The following DIAPH1 variants were observed in gnomAD, a reference collection of about 807,000 sequenced individuals.
DIAPH1 encodes protein diaphanous homolog 1.
Under a neutral mutation model 140.7 loss-of-function variants are expected in DIAPH1, and 46 were observed. The observed-to-expected ratio is 0.33, with a 90% confidence interval of 0.26 to 0.42. DIAPH1 has a LOEUF of 0.42. Among genes scored for constraint, DIAPH1 ranks in the 10% least tolerant of loss-of-function variants. DIAPH1 has a pLI of 1.00. For synonymous variants in DIAPH1, 565 were observed against 551.6 expected, an observed-to-expected ratio of 1.02 and a Z score of -0.34; for missense variants, 1,310 against 1,558.7, an observed-to-expected ratio of 0.84 and a Z score of 2.69.
chr5:141,516,765 A>C lies in DIAPH1; in HGVS notation c.*86T>G. The stretch of plus-strand genomic sequence containing the variant: ...TGGTGGGAGTGGCCACCCCAGAGGA[A>C]TATCCCCTTGAGCCTTTAGGCACAT... On this transcript the variant is annotated 3_prime_UTR_variant, in exon 28 of 28. Transcript: ENST00000389054. 1 of 1,526,938 alleles carries C rather than the reference A, an allele frequency of 6.5e-7. No individual in the cohort carries two copies. Among genetic ancestry groups the C allele is most frequent in the African/African-American group, 1.4e-5 (1 of 73,256 alleles). The allele number at this position is 1,526,938 out of a possible 1,614,324, so 94.6% of individuals were successfully genotyped here. A position where few individuals can be genotyped will look rare whatever the true frequency, so the allele number is the denominator to read the frequency against.
chr5:141,594,513 G>C (rs890285309), intron 1 of DIAPH1, among the ~76,000 whole-genome samples: 6 of 152,142 alleles, frequency 3.9e-5, no homozygotes, highest in African/African-American at 1.2e-4. Flanking sequence ...AGGCTGAGAC[G>C]GGTGGGTTAC....
intron 18 of DIAPH1, among the ~76,000 whole-genome samples, chr5:141,537,873 A>C (rs551558300): frequency 6.6e-6 from 1 of 152,166 alleles, no homozygotes. Context: ...ACTGCAAATA[A>C]ATCAAAATAG....
At chr5:141,518,776 G>T (rs929219506) in intron 27 of DIAPH1, 6 of 681,130 alleles carry the variant, frequency 8.8e-6, no homozygotes, top group Non-Finnish European at 1.6e-5. Context: ...TCCCACCTTG[G>T]AACCTAAAGT....
intron 3 of DIAPH1, 60 bp downstream of exon 3, chr5:141,586,982 G>C: frequency 6.3e-7 from 1 of 1,583,462 alleles, no homozygotes; most frequent in Non-Finnish European, 8.7e-7. Context: ...GCACCAAAAA[G>C]AGCCCACCAT....
chr5:141,526,199 A>T, intron 25 of DIAPH1, 26 bp from the exon 26 acceptor site: 1 of 1,614,156 alleles, frequency 6.2e-7, no homozygotes, highest in Non-Finnish European at 8.5e-7. Context: ...GGAGGAAGGA[A>T]CACATGGGCA....
At chr5:141,583,975 A>C in intron 4 of DIAPH1, 149 bp downstream of exon 4, 1 of 653,488 alleles carries the variant, frequency 1.5e-6, no homozygotes, top group Non-Finnish European at 2.7e-6. Flanking sequence ...CGGTAACTAA[A>C]TAAGACAGTA....
At chr5:141,520,518 A>G (rs1006156409) in intron 27 of DIAPH1, among the ~76,000 whole-genome samples, 1 of 152,154 alleles carries the variant, frequency 6.6e-6, no homozygotes, top group Non-Finnish European at 1.5e-5. Flanking sequence ...GCCTTGTGAT[A>G]CACCTTCTCC....
intron 11 of DIAPH1, 44 bp from the exon 12 acceptor site, chr5:141,577,635 T>C (rs965192448): frequency 7.9e-7 from 1 of 1,265,920 alleles, no homozygotes; most frequent in African/African-American, 1.5e-5. Context: ...ATGCAGAAAT[T>C]ATGTTTGACA....
intron 1 of DIAPH1, among the ~76,000 whole-genome samples, chr5:141,611,858 G>A (rs1020513948): frequency 6.6e-6 from 1 of 152,190 alleles, no homozygotes; most frequent in Non-Finnish European, 1.5e-5. Context: ...CCTGAAGTTA[G>A]GAGTTCAAGA....
rs1335130331 is a variant in DIAPH1 at position 141,526,175 on chromosome 5, TG to T, written c.3439-3del. 19 of 1,613,998 alleles carry T rather than the reference TG, an allele frequency of 1.2e-5. No homozygotes were observed. Among genetic ancestry groups the T allele is most frequent in the Non-Finnish European group, 1.6e-5 (19 of 1,180,034 alleles). ...CTTCTGGTTCTCCTTGACTGCTTGC[TG>T]GGGCAGGGAAGAGGAGGAAGGAACA... is the stretch of plus-strand genomic sequence containing the variant. On this transcript the variant is annotated splice_polypyrimidine_tract_variant and splice_region_variant and intron_variant, in intron 25 of 27. Coordinates refer to ENST00000389054, the MANE Select transcript of DIAPH1 (RefSeq NM_005219.5).
At chr5:141,566,837 G>A (rs544510143) in intron 18 of DIAPH1, among the ~76,000 whole-genome samples, 5 of 152,334 alleles carry the variant, frequency 3.3e-5, no homozygotes, top group African/African-American at 7.2e-5. Context: ...AGAGGCTACA[G>A]TGAACTGAGA....
chr5:141,602,950 G>A (rs2099900391), intron 1 of DIAPH1, among the ~76,000 whole-genome samples: 1 of 152,276 alleles, frequency 6.6e-6, no homozygotes, highest in Admixed American at 6.5e-5. Context: ...CTACACAGGC[G>A]TTGTGTAGAG....
rs2099885707 is a variant in DIAPH1, at chr5:141,516,521, G to A, written c.*330C>T. 1 of 388,796 alleles carries A rather than the reference G, an allele frequency of 2.6e-6. No individual in the cohort carries two copies. The highest frequency in any genetic ancestry group is 2.1e-5 in the African/African-American group (1 of 48,740). The allele number at this position is 388,796 out of a possible 1,614,324, so 24.1% of individuals were successfully genotyped here. On this transcript the variant is annotated 3_prime_UTR_variant, in exon 28 of 28. Transcript: ENST00000389054. Reference sequence around the variant, plus strand: ...ATTAGAAAGTCAGGGCTGAGAAAAAGCAGGCTGGGCCTTGTCTGAGATGAG... The same window carrying A: ...ATTAGAAAGTCAGGGCTGAGAAAAAACAGGCTGGGCCTTGTCTGAGATGAG...
chr5:141,583,679 T>A, intron 4 of DIAPH1, 64 bp from the exon 5 acceptor site: 2 of 1,588,124 alleles, frequency 1.3e-6, no homozygotes. Flanking sequence ...AGGACTAGTA[T>A]TAGTCAATAG....
intron 18 of DIAPH1, among the ~76,000 whole-genome samples, chr5:141,540,542 A>T (rs929880473): frequency 3.3e-5 from 5 of 151,448 alleles, no homozygotes; most frequent in Non-Finnish European, 5.9e-5. Context: ...AGCCTCCCAA[A>T]GTGCTGGGAT....
At chr5:141,595,057 G>C (rs368579548) in intron 1 of DIAPH1, among the ~76,000 whole-genome samples, 1 of 148,356 alleles carries the variant, frequency 6.7e-6, no homozygotes, top group Non-Finnish European at 1.5e-5. Flanking sequence ...AAAAAAAAAA[G>C]AAAGAAAAAA....
At chr5:141,584,360 A>C in intron 3 of DIAPH1, 135 bp from the exon 4 acceptor site, 2 of 656,050 alleles carry the variant, frequency 3.0e-6, no homozygotes, top group Non-Finnish European at 5.5e-6. Flanking sequence ...TTTGATCCCT[A>C]GAAATTTAAG....
intron 12 of DIAPH1, among the ~76,000 whole-genome samples, chr5:141,577,126 G>A (rs769992798): frequency 2.0e-5 from 3 of 152,096 alleles, no homozygotes; most frequent in African/African-American, 4.8e-5. Context: ...AAAAATTTGC[G>A]TTTGATCCTT....
intron 4 of DIAPH1, 115 bp downstream of exon 4, chr5:141,584,009 G>A: frequency 2.8e-6 from 2 of 706,712 alleles, no homozygotes; most frequent in Middle Eastern, 4.8e-4. Context: ...CTTATATAAT[G>A]GAATGAAACA....
Sources: gnomAD v4.1 joint callset for allele counts (sites outside exome capture counted in the v4.1 genomes callset) on GRCh38, gnomAD v4.1.1 for gene constraint, MANE v1.5 for transcripts, NCBI Gene and HGNC (gene_info 2026-07-23, HGNC 2026-07-21) for gene names.